CEP350: variants seen among roughly 807,000 people sequenced by gnomAD.
CEP350 encodes centrosome-associated protein 350.
CEP350 carries 126 observed loss-of-function variants against 331.8 expected under a neutral mutation model. The observed-to-expected ratio is 0.38, with a 90% CI of 0.33 to 0.44. The LOEUF is 0.44. CEP350 is among the 20% of genes least tolerant of loss of function. CEP350 has a pLI of 1.00. For synonymous variants in CEP350, 1,200 were observed against 1,259.5 expected (o/e 0.95, Z 1.00); for missense variants, 3,406 against 3,634.6 (o/e 0.94, Z 1.62).
chr1:179,978,628 T>TG (rs377480171), intron 1 of CEP350, among the ~76,000 whole-genome samples: 58 of 152,218 alleles, frequency 3.8e-4, no homozygotes, highest in African/African-American at 1.3e-3. Flanking sequence ...AGTGAGAACA[T>TG]GCTGTGTTTA....
intron 1 of CEP350, among the ~76,000 whole-genome samples, chr1:179,985,247 A>G (rs1200340121): frequency 6.6e-6 from 1 of 152,146 alleles, no homozygotes; most frequent in Non-Finnish European, 1.5e-5. Flanking sequence ...GTGGCACCAT[A>G]CAGTATTTGT....
At chr1:180,080,122 C>A (rs1056188794) in intron 29 of CEP350, among the ~76,000 whole-genome samples, 1 of 152,116 alleles carries the variant, frequency 6.6e-6, no homozygotes, top group Admixed American at 6.5e-5. Flanking sequence ...AAACTTCTTA[C>A]GCTCTGTTTT....
intron 1 of CEP350, among the ~76,000 whole-genome samples, chr1:179,955,945 T>G (rs1650138893): frequency 6.6e-6 from 1 of 152,232 alleles, no homozygotes; most frequent in South Asian, 2.1e-4. Flanking sequence ...TGTTGCCATG[T>G]TAACGATACC....
chr1:180,056,710 C>T (rs1447670638), intron 25 of CEP350, among the ~76,000 whole-genome samples: 2 of 152,028 alleles, frequency 1.3e-5, no homozygotes, highest in Admixed American at 6.5e-5. Flanking sequence ...GATCCCCCCA[C>T]GTTGGCCTCC....
intron 1 of CEP350, among the ~76,000 whole-genome samples, chr1:179,984,555 G>A (rs1411084418): frequency 3.3e-5 from 5 of 152,254 alleles, no homozygotes; most frequent in East Asian, 3.9e-4. Flanking sequence ...GCGTTTTATA[G>A]CCTAGTCTCA....
At chr1:180,018,077 C>T (rs1434571362) in intron 11 of CEP350, among the ~76,000 whole-genome samples, 1 of 152,192 alleles carries the variant, frequency 6.6e-6, no homozygotes, top group Non-Finnish European at 1.5e-5. Context: ...ACGATCATAG[C>T]TTACTGCAGC....
chr1:180,058,231 G>T (rs1173921997), intron 25 of CEP350, among the ~76,000 whole-genome samples: 3 of 152,176 alleles, frequency 2.0e-5, no homozygotes, highest in Non-Finnish European at 4.4e-5. Context: ...GTATAATACT[G>T]CAGGAAACTG....
chr1:180,029,012 T>C (rs1655846721), intron 14 of CEP350, among the ~76,000 whole-genome samples: 1 of 152,198 alleles, frequency 6.6e-6, no homozygotes, highest in African/African-American at 2.4e-5. Flanking sequence ...AGTTTCTCCT[T>C]CATCCCCAAG....
Position 180,092,905 on chromosome 1 carries a change from A to G in CEP350, c.6800A>G (p.Lys2267Arg), listed in dbSNP as rs911677861. The G allele has an allele frequency of 2.5e-6, 4 of 1,574,156 alleles. No homozygotes were observed. The highest frequency in any genetic ancestry group is 3.5e-6 in the Non-Finnish European group (4 of 1,158,146). Residue 2267 changes from lysine to arginine, a missense_variant, in exon 34 of 38, where the codon AAG becomes AGG. Lys to Arg is a conservative substitution (Grantham distance 26, BLOSUM62 2). This residue lies in a region of CEP350 where 1,415 missense variants were observed against 1,512.3 expected (regional missense o/e 0.94). Coordinates refer to ENST00000367607, the MANE Select transcript of CEP350 (RefSeq NM_014810.5). The part of the protein sequence containing the change: ...EIKEIEYTKL[K>R]KSKIEDAFSK... The stretch of plus-strand genomic sequence containing the variant: ...AAAGAAATAGAGTATACAAAATTGA[A>G]GAAGAGTAAGATTGAAGATGCCTTT...
intron 3 of CEP350, among the ~76,000 whole-genome samples, chr1:179,990,049 C>T (rs912315376): frequency 6.6e-6 from 1 of 151,904 alleles, no homozygotes; most frequent in Non-Finnish European, 1.5e-5. Context: ...ATTAGCCCGG[C>T]GTGGTGGCGC....
At position 180,037,940 on chromosome 1, in the gene CEP350, C is replaced by T. The variant is rs35956248; in HGVS notation, c.4110+851C>T. The stretch of plus-strand genomic sequence containing the variant: ...CTGGGATTACAGGTGTGAGCCACCG[C>T]GCCTGGCCCAGTTTTGGTGAGTTTT... On this transcript the variant is annotated intron_variant, in intron 17 of 37. Coordinates refer to ENST00000367607, the MANE Select transcript of CEP350 (RefSeq NM_014810.5). 8.9e-3 allele frequency among the ~76,000 whole-genome samples: 1,353 copies of T among 152,266 alleles called. 12 individuals carry two copies. The highest frequency in any genetic ancestry group is 0.012 in the Non-Finnish European group (847 of 67,996).
At position 180,020,412 on chromosome 1, in the gene CEP350, C is replaced by T. The variant is rs778009573; in HGVS notation, c.2638C>T (p.Pro880Ser). The change falls in exon 12 of 38, where the codon CCT becomes TCT. Residue 880 changes from proline (P) to serine (S), a missense_variant. Pro to Ser is a moderately conservative substitution (Grantham distance 74). Around this residue, in one of 5 missense-constraint regions of CEP350, gnomAD observed 1,857 missense variants for 1,909.2 expected, o/e 0.97. Coordinates refer to ENST00000367607, the MANE Select transcript of CEP350 (RefSeq NM_014810.5). ...ACCTTGGACCAAGGCTGTAACTCCA[C>T]CTGTGAAAGATGATAATGAAGATGT... ...DGPWTKAVTP[P>S]VKDDNEDVFS... 4 of 1,613,848 alleles carry T rather than the reference C, an allele frequency of 2.5e-6. No homozygotes were observed. Among genetic ancestry groups the T allele is most frequent in the South Asian group, 2.2e-5 (2 of 91,084 alleles).
intron 9 of CEP350, among the ~76,000 whole-genome samples, chr1:180,012,740 A>G (rs1163748188): frequency 1.3e-5 from 2 of 152,232 alleles, no homozygotes; most frequent in African/African-American, 2.4e-5. Context: ...TGCAGTTGCA[A>G]CTATAATTTG....
intron 33 of CEP350, among the ~76,000 whole-genome samples, chr1:180,091,896 T>C (rs1023668085): frequency 6.6e-6 from 1 of 151,314 alleles, no homozygotes; most frequent in Non-Finnish European, 1.5e-5. Flanking sequence ...CAGTGACAAA[T>C]AGAGATTTGG....
At chr1:179,973,964 C>T (rs1393699840) in intron 1 of CEP350, among the ~76,000 whole-genome samples, 1 of 151,950 alleles carries the variant, frequency 6.6e-6, no homozygotes, top group Non-Finnish European at 1.5e-5. Context: ...CTTAACGCTT[C>T]TGTTGACCCA....
chr1:180,006,597 T>G, intron 8 of CEP350, 30 bp downstream of exon 8: 1 of 1,090,698 alleles, frequency 9.2e-7, no homozygotes, highest in Non-Finnish European at 1.4e-6. Flanking sequence ...CCATCCTTTT[T>G]TTTTGTTTTT....
intron 1 of CEP350, among the ~76,000 whole-genome samples, chr1:179,983,240 A>T (rs956921786): frequency 6.6e-6 from 1 of 151,692 alleles, no homozygotes; most frequent in Non-Finnish European, 1.5e-5. Flanking sequence ...CTAGTTTTGG[A>T]ACTTTTTTTT....
intron 5 of CEP350, among the ~76,000 whole-genome samples, chr1:179,993,501 C>A (rs1653241963): frequency 6.6e-6 from 1 of 152,166 alleles, no homozygotes; most frequent in Non-Finnish European, 1.5e-5. Context: ...TGGCTCACTG[C>A]AACCTCCACC....
intron 27 of CEP350, among the ~76,000 whole-genome samples, chr1:180,069,721 A>G (rs1414654608): frequency 2.6e-5 from 4 of 152,148 alleles, no homozygotes; most frequent in African/African-American, 9.7e-5. Context: ...CTGTATCCTC[A>G]TTTATCCTCC....
Sources: allele counts gnomAD v4.1 joint callset (sites outside exome capture counted in the v4.1 genomes callset), GRCh38; gene constraint gnomAD v4.1.1; regional missense constraint gnomAD v4.1.1; transcripts MANE v1.5; gene names NCBI Gene and HGNC (gene_info 2026-07-23, HGNC 2026-07-21).